SLC5A8: variants seen among roughly 807,000 people sequenced by gnomAD.
The protein encoded by SLC5A8 is sodium-coupled monocarboxylate transporter 1.
A neutral mutation model predicts 71.9 loss-of-function variants in SLC5A8; 55 were observed. That is an observed-to-expected ratio of 0.77 (90% CI 0.62 to 0.96). The LOEUF (loss-of-function observed/expected upper bound fraction) is 0.96, where lower values mean the gene tolerates loss of function less well. Among genes scored for constraint, SLC5A8 ranks in the 40% least tolerant of loss-of-function variants. SLC5A8 has a pLI of 0.00. For synonymous variants in SLC5A8, 307 were observed against 276.1 expected, an observed-to-expected ratio of 1.11 and a Z score of -1.11; for missense variants, 701 against 745.3, an observed-to-expected ratio of 0.94 and a Z score of 0.69.
At position 101,155,942 on chromosome 12, in the gene SLC5A8, T is replaced by A. The variant is rs1450046112; in HGVS notation, c.*1337A>T. The A allele has an allele frequency of 6.9e-6, 1 of 145,574 alleles. No homozygotes were observed. The highest frequency in any genetic ancestry group is 1.9e-4 in the East Asian group (1 of 5,144). The allele number at this position is 145,574 out of a possible 1,614,324, so 9.0% of individuals were successfully genotyped here. A position where few individuals can be genotyped will look rare whatever the true frequency, so the allele number is the denominator to read the frequency against. ...ATTTGTATGTATCTAAATATTTCTC[T>A]TATGTTTCTAAAAAAAATTGAGTTT... On this transcript the variant is annotated 3_prime_UTR_variant, in exon 15 of 15. Coordinates refer to ENST00000536262, the MANE Select transcript of SLC5A8 (RefSeq NM_145913.5).
At position 101,155,626 on chromosome 12, in the gene SLC5A8, A is replaced by C. The variant is rs11110688; in HGVS notation, c.*1653T>G. The C allele has an allele frequency of 0.19, 29,208 of 151,354 alleles. 3,155 individuals carry two copies. Among genetic ancestry groups the C allele is most frequent in the African/African-American group, 0.28 (11,408 of 41,194 alleles). 9.4% of individuals were successfully genotyped at this position (151,354 alleles called of 1,614,324 possible). On this transcript the variant is annotated 3_prime_UTR_variant, in exon 15 of 15. Transcript: ENST00000536262. ...CTCAGCTTCCCTAATAACTGGGACT[A>C]CAAGTATGTGGCAACATGCCTAGCT...
intron 5 of SLC5A8, 99 bp from the exon 6 acceptor site, chr12:101,190,707 A>C: frequency 2.2e-6 from 2 of 928,676 alleles, no homozygotes; most frequent in Non-Finnish European, 3.0e-6. Context: ...ACATTTATAT[A>C]CACAACACAT....
chr12:101,208,783 A>G (rs181235533), intron 1 of SLC5A8, among the ~76,000 whole-genome samples: 6 of 152,290 alleles, frequency 3.9e-5, no homozygotes, highest in African/African-American at 1.4e-4. Flanking sequence ...GCCAATACCT[A>G]TCTGGCACTT....
At chr12:101,209,408 G>T (rs905560349) in intron 1 of SLC5A8, 90 bp downstream of exon 1, 21 of 935,996 alleles carry the variant, frequency 2.2e-5, no homozygotes, top group Non-Finnish European at 3.3e-5. Context: ...ATGTGGCAGT[G>T]ACAGTCTGCC....
chr12:101,160,510 T>TG (rs1228063226), intron 13 of SLC5A8, among the ~76,000 whole-genome samples: 19 of 152,112 alleles, frequency 1.2e-4, no homozygotes, highest in Admixed American at 9.2e-4. Context: ...ACACAACTAG[T>TG]TGTAACACAT....
rs182636842 is a variant in SLC5A8, at chr12:101,163,849, C to T, written c.1527-1772G>A. 3.2e-4 allele frequency among the ~76,000 whole-genome samples: 49 copies of T among 152,222 alleles called. 1 individual carries two copies. The South Asian group carries it at 5.8e-3, about 18-fold the overall frequency. On this transcript the variant is annotated intron_variant, in intron 12 of 14. Transcript: ENST00000536262. ...GTTACTTGGTTAACATCGTTTTCAT[C>T]GCCAGTGCATTCAATGGGGCAAAAG...
At chr12:101,193,889 A>G in intron 4 of SLC5A8, 110 bp from the exon 5 acceptor site, 2 of 1,098,994 alleles carry the variant, frequency 1.8e-6, no homozygotes, top group South Asian at 3.5e-5. Context: ...ATGTTGGCTA[A>G]GAAGTGCACT....
intron 11 of SLC5A8, among the ~76,000 whole-genome samples, chr12:101,167,575 A>G (rs1381039334): frequency 3.3e-5 from 5 of 152,208 alleles, no homozygotes. Flanking sequence ...AAGGACAGAG[A>G]TATTACGTCT....
chr12:101,159,680 T>C (rs2051706758), intron 13 of SLC5A8, among the ~76,000 whole-genome samples: 1 of 152,172 alleles, frequency 6.6e-6, no homozygotes, highest in African/African-American at 2.4e-5. Context: ...GAGTGTTACT[T>C]CTTGAAACAA....
chr12:101,183,074 C>G (rs1040437961), intron 8 of SLC5A8, among the ~76,000 whole-genome samples, 159 bp from the exon 9 acceptor site: 3 of 104,460 alleles, frequency 2.9e-5, no homozygotes, highest in African/African-American at 1.1e-4. Flanking sequence ...GAGACGGAGT[C>G]TCGCTCTGTC....
At position 101,173,599 on chromosome 12, in the gene SLC5A8, G is replaced by A. The variant is rs1434320924; in HGVS notation, c.1234-5417C>T. On this transcript the variant is annotated intron_variant, in intron 10 of 14. Coordinates refer to ENST00000536262, the MANE Select transcript of SLC5A8 (RefSeq NM_145913.5). ...CAGCAACACTCAGCAGACATCACAG[G>A]CTGGGGCACACCCCTTGAGAAGCCA... is the stretch of plus-strand genomic sequence containing the variant. 2.6e-5 allele frequency among the ~76,000 whole-genome samples: 4 copies of A among 152,356 alleles called. No homozygotes were observed. The East Asian group carries it at 5.8e-4, about 22-fold the overall frequency.
chr12:101,184,188 T>A lies in SLC5A8; in HGVS notation c.998A>T (p.Asp333Val). The change falls in exon 8 of 15, where the codon GAT (aspartate) becomes GTT (valine). Residue 333 changes from aspartate (D) to valine (V), a missense_variant. By Grantham distance (152) the Asp-to-Val change is radical (BLOSUM62 -3). Coordinates refer to ENST00000536262, the MANE Select transcript of SLC5A8 (RefSeq NM_145913.5). Reference protein sequence around the residue: ...MPYLVLDILQDYPGLPGLFVA... With the variant: ...MPYLVLDILQVYPGLPGLFVA... ...AAAAAGTCCAGGAAGTCCTGGATAATCTTGCAGAATGTCCAGTACCAAATA... is the reference window on the plus strand; with the variant it reads ...AAAAAGTCCAGGAAGTCCTGGATAAACTTGCAGAATGTCCAGTACCAAATA... 6.2e-7 allele frequency: 1 copy of A among 1,614,210 alleles called. No homozygotes were observed. The highest frequency in any genetic ancestry group is 8.5e-7 in the Non-Finnish European group (1 of 1,180,030).
rs878934604 is a variant in SLC5A8 at position 101,209,854 on chromosome 12, C to T, written c.-6G>A. 6.5e-7 allele frequency: 1 copy of T among 1,530,356 alleles called. No homozygotes were observed. Among genetic ancestry groups the T allele is most frequent in the Non-Finnish European group, 8.8e-7 (1 of 1,138,038 alleles). The allele number at this position is 1,530,356 out of a possible 1,614,324, so 94.8% of individuals were successfully genotyped here. ...ATGCCCCGTGGCGTGTCCATGGCCG[C>T]ACGGTCGCCTGAGCCCTGCGCGCAA... is the stretch of plus-strand genomic sequence containing the variant. On this transcript the variant is annotated 5_prime_UTR_variant, in exon 1 of 15. Transcript: ENST00000536262.
At chr12:101,172,412 G>T (rs2051838343) in intron 10 of SLC5A8, among the ~76,000 whole-genome samples, 1 of 152,132 alleles carries the variant, frequency 6.6e-6, no homozygotes, top group South Asian at 2.1e-4. Context: ...GACGACATTG[G>T]TATTAAGGAG....
chr12:101,204,566 C>G lies in SLC5A8; in HGVS notation c.352-1G>C. The G allele has an allele frequency of 6.3e-7, 1 of 1,581,168 alleles. No individual in the cohort carries two copies. The highest frequency in any genetic ancestry group is 1.2e-5 in the South Asian group (1 of 84,152). ...ATTTGTTAAATCGAAGTTCTAAATA[C>G]TGTTGCAAAAAAAAAAATTATGCGA... On this transcript the variant is annotated splice_acceptor_variant, in intron 1 of 14. Transcript: ENST00000536262. LOFTEE classifies it high-confidence loss of function.
intron 13 of SLC5A8, among the ~76,000 whole-genome samples, chr12:101,158,598 C>CTCTCTCTCCCTCTATATA (rs1411795424): frequency 4.7e-5 from 1 of 21,244 alleles, no homozygotes; most frequent in Non-Finnish European, 8.8e-5. Context: ...CTCTCTCTCT[C>CTCTCTCTCCCTCTATATA]TATATATATA....
At chr12:101,204,095 A>C (rs1356057491) in intron 2 of SLC5A8, among the ~76,000 whole-genome samples, 3 of 152,220 alleles carry the variant, frequency 2.0e-5, no homozygotes, top group Non-Finnish European at 4.4e-5. Flanking sequence ...TTTCATACCT[A>C]TTAATATGTT....
Position 101,187,338 on chromosome 12 carries a change from C to T in SLC5A8, c.963+48G>A, listed in dbSNP as rs760032883. 368 of 1,562,494 alleles carry T rather than the reference C, an allele frequency of 2.4e-4. 1 individual carries two copies. Among genetic ancestry groups the T allele is most frequent in the Non-Finnish European group, 3.0e-4 (347 of 1,153,698 alleles). On this transcript the variant is annotated intron_variant, in intron 7 of 14. Coordinates refer to ENST00000536262, the MANE Select transcript of SLC5A8 (RefSeq NM_145913.5). ...ATGCTCTTTCCTCTCAACTAATAAG[C>T]TTTTTGAATATTATTAATACACCTG...
At chr12:101,196,939 C>T (rs570617685) in intron 3 of SLC5A8, among the ~76,000 whole-genome samples, 1 of 152,306 alleles carries the variant, frequency 6.6e-6, no homozygotes, top group South Asian at 2.1e-4. Flanking sequence ...CTCCCCCACC[C>T]CGCAAGTGAG....
Sources: gnomAD v4.1 joint callset for allele counts (sites outside exome capture counted in the v4.1 genomes callset) on GRCh38, gnomAD v4.1.1 for gene constraint, MANE v1.5 for transcripts, NCBI Gene and HGNC (gene_info 2026-07-23, HGNC 2026-07-21) for gene names.